The following C3orf70 variants were observed in gnomAD, a reference collection of about 807,000 sequenced individuals.
C3orf70 encodes the protein chromosome 3 open reading frame 70, also known as UPF0524 protein C3orf70.
A neutral mutation model predicts 20.7 loss-of-function variants in C3orf70; 15 were observed. The ratio of observed to expected loss-of-function variants is 0.72; its 90% confidence interval spans 0.48 to 1.11. The LOEUF (loss-of-function observed/expected upper bound fraction) is 1.11, where lower values mean the gene tolerates loss of function less well. C3orf70 is among the 50% of genes most tolerant of loss of function. The pLI is 0.00. For missense variants in C3orf70, 332 were observed against 317.6 expected (o/e 1.05, Z -0.34); for synonymous variants, 161 against 125.7 (o/e 1.28, Z -1.88).
At chr3:185,094,573 T>C (rs970208064) in intron 1 of C3orf70, among the ~76,000 whole-genome samples, 2 of 151,932 alleles carry the variant, frequency 1.3e-5, no homozygotes, top group Admixed American at 6.6e-5. Context: ...ACCAGCACGA[T>C]GGAGCCCTTG....
intron 1 of C3orf70, among the ~76,000 whole-genome samples, chr3:185,124,774 T>C (rs533064376): frequency 6.6e-6 from 1 of 152,282 alleles, no homozygotes; most frequent in South Asian, 2.1e-4. Context: ...CAAACATATG[T>C]CTGACAAAGG....
chr3:185,116,066 G>T (rs1057463122), intron 1 of C3orf70, among the ~76,000 whole-genome samples: 1 of 152,186 alleles, frequency 6.6e-6, no homozygotes, highest in African/African-American at 2.4e-5. Flanking sequence ...GCTATGCCTA[G>T]GTGGATAAGT....
intron 1 of C3orf70, among the ~76,000 whole-genome samples, chr3:185,135,367 T>TCCCCCCC (rs949205248): frequency 6.6e-6 from 1 of 152,160 alleles, no homozygotes; most frequent in African/African-American, 2.4e-5. Context: ...ATGCCTGTAA[T>TCCCCCCC]CCCAGCATTT....
At chr3:185,135,212 A>C (rs1294852231) in intron 1 of C3orf70, among the ~76,000 whole-genome samples, 1 of 151,868 alleles carries the variant, frequency 6.6e-6, no homozygotes, top group African/African-American at 2.4e-5. Context: ...TTTGACAATA[A>C]ATTTAAAGCA....
At chr3:185,140,862 G>A (rs1424064786) in intron 1 of C3orf70, among the ~76,000 whole-genome samples, 2 of 151,340 alleles carry the variant, frequency 1.3e-5, no homozygotes, top group African/African-American at 2.4e-5. Context: ...CAGCTACTTG[G>A]GAGGCTGAGG....
chr3:185,148,284 C>A (rs1258028486), intron 1 of C3orf70, among the ~76,000 whole-genome samples: 2 of 152,164 alleles, frequency 1.3e-5, no homozygotes, highest in East Asian at 3.8e-4. Context: ...CATGTGAGGA[C>A]AAAGGCAGCT....
At chr3:185,116,117 T>C (rs905213830) in intron 1 of C3orf70, among the ~76,000 whole-genome samples, 30 of 152,212 alleles carry the variant, frequency 2.0e-4, no homozygotes, top group African/African-American at 7.0e-4. Context: ...TGCTAGCAAA[T>C]ACAAGCTACA....
At chr3:185,139,669 A>G (rs1277744370) in intron 1 of C3orf70, among the ~76,000 whole-genome samples, 2 of 152,088 alleles carry the variant, frequency 1.3e-5, no homozygotes, top group South Asian at 2.1e-4. Context: ...AAAATAGAAA[A>G]CCCAGAAATA....
At chr3:185,136,663 G>T (rs558574449) in intron 1 of C3orf70, among the ~76,000 whole-genome samples, 1 of 152,178 alleles carries the variant, frequency 6.6e-6, no homozygotes, top group South Asian at 2.1e-4. Flanking sequence ...GGCGGAGCTT[G>T]CAGTGAGCCG....
At chr3:185,111,320 G>C (rs1716068972) in intron 1 of C3orf70, among the ~76,000 whole-genome samples, 7 of 152,076 alleles carry the variant, frequency 4.6e-5, no homozygotes, top group Admixed American at 4.6e-4. Context: ...CAGAAAGAGA[G>C]AAAATATTTG....
chr3:185,084,960 C>T (rs1046665927), intron 1 of C3orf70, among the ~76,000 whole-genome samples: 20 of 152,102 alleles, frequency 1.3e-4, no homozygotes, highest in Non-Finnish European at 2.8e-4. Context: ...GGGCTTTTAA[C>T]CTTAGCACTA....
chr3:185,125,420 CAACAACAACAAA>C (rs1472845309), intron 1 of C3orf70, among the ~76,000 whole-genome samples: 1 of 141,456 alleles, frequency 7.1e-6, no homozygotes, highest in Admixed American at 6.9e-5. Context: ...ACAACAACAA[CAACAACAACAAA>C]AACCAGTTTG....
intron 1 of C3orf70, among the ~76,000 whole-genome samples, chr3:185,089,970 G>A (rs1455963286): frequency 6.6e-6 from 1 of 152,120 alleles, no homozygotes; most frequent in Admixed American, 6.5e-5. Flanking sequence ...CACTAACAAA[G>A]ATTTATATTC....
chr3:185,108,100 C>A (rs899902153), intron 1 of C3orf70, among the ~76,000 whole-genome samples: 1 of 152,174 alleles, frequency 6.6e-6, no homozygotes, highest in African/African-American at 2.4e-5. Flanking sequence ...TCTTACTTGG[C>A]AAACCCATTT....
intron 1 of C3orf70, among the ~76,000 whole-genome samples, chr3:185,109,415 T>A (rs1716015297): frequency 6.6e-6 from 1 of 152,214 alleles, no homozygotes; most frequent in South Asian, 2.1e-4. Context: ...ATGAGCCAGA[T>A]GCCGAGGAAG....
chr3:185,132,432 A>T (rs1716540556), intron 1 of C3orf70, among the ~76,000 whole-genome samples: 1 of 152,286 alleles, frequency 6.6e-6, no homozygotes, highest in South Asian at 2.1e-4. Context: ...ACCAAAAAAA[A>T]AAAAAGATTA....
intron 1 of C3orf70, among the ~76,000 whole-genome samples, chr3:185,139,507 C>T (rs540732766): frequency 7.4e-4 from 110 of 148,218 alleles, no homozygotes; most frequent in African/African-American, 2.7e-3. Context: ...CAGCCGAGAT[C>T]ATACCACTGC....
chr3:185,113,725 C>A (rs2108596728), intron 1 of C3orf70, among the ~76,000 whole-genome samples: 1 of 151,990 alleles, frequency 6.6e-6, no homozygotes, highest in East Asian at 1.9e-4. Flanking sequence ...AATAAGCCAA[C>A]CAAAATTTAT....
intron 1 of C3orf70, among the ~76,000 whole-genome samples, chr3:185,127,296 T>A (rs1009425957): frequency 3.9e-5 from 6 of 152,214 alleles, no homozygotes; most frequent in African/African-American, 1.4e-4. Flanking sequence ...ACTGAAAAAC[T>A]AAATGTTGTT....
Sources: gnomAD v4.1 joint callset for allele counts (sites outside exome capture counted in the v4.1 genomes callset) on GRCh38, gnomAD v4.1.1 for gene constraint, MANE v1.5 for transcripts, NCBI Gene and HGNC (gene_info 2026-07-23, HGNC 2026-07-21) for gene names.